The following LAMA2 variants were observed in gnomAD, a reference collection of about 807,000 sequenced individuals.
LAMA2 encodes laminin subunit alpha 2.
In LAMA2, 269 loss-of-function variants were observed where a neutral mutation model predicts 364.8. The observed-to-expected ratio is 0.74, with a 90% confidence interval of 0.67 to 0.82. LAMA2 has a LOEUF of 0.82. LAMA2 is among the 40% of genes least tolerant of loss of function. The pLI is 0.00. For synonymous variants in LAMA2, 1,379 were observed against 1,370.6 expected (o/e 1.01, Z -0.14); for missense variants, 3,807 against 3,873.2 (o/e 0.98, Z 0.45).
chr6:129,004,458 C>T (rs1326987600), intron 1 of LAMA2, among the ~76,000 whole-genome samples: 1 of 146,092 alleles, frequency 6.8e-6, no homozygotes, highest in Non-Finnish European at 1.5e-5. Context: ...GGTCATTTTC[C>T]TTAAAATAAA....
chr6:129,245,620 T>G (rs1785699709), intron 12 of LAMA2, among the ~76,000 whole-genome samples: 1 of 152,208 alleles, frequency 6.6e-6, no homozygotes, highest in South Asian at 2.1e-4. Flanking sequence ...GTTAGAATTT[T>G]TCAATGAATG....
intron 27 of LAMA2, among the ~76,000 whole-genome samples, chr6:129,317,038 T>C (rs1348405054): frequency 1.3e-5 from 2 of 152,176 alleles, no homozygotes; most frequent in African/African-American, 4.8e-5. Context: ...GAGGAAAATA[T>C]TGAAATATAA....
At chr6:128,991,498 A>AT (rs1249653575) in intron 1 of LAMA2, among the ~76,000 whole-genome samples, 4 of 152,236 alleles carry the variant, frequency 2.6e-5, no homozygotes, top group Non-Finnish European at 5.9e-5. Flanking sequence ...GTAACATTGC[A>AT]TAAAAACTTG....
At chr6:129,071,789 T>G (rs1389167572) in intron 3 of LAMA2, among the ~76,000 whole-genome samples, 1 of 152,150 alleles carries the variant, frequency 6.6e-6, no homozygotes, top group Non-Finnish European at 1.5e-5. Flanking sequence ...TCTTTGAGAC[T>G]AAACTTTTTG....
intron 31 of LAMA2, among the ~76,000 whole-genome samples, chr6:129,352,298 G>A (rs563705088): frequency 2.0e-5 from 3 of 152,304 alleles, no homozygotes; most frequent in African/African-American, 7.2e-5. Context: ...AATACACTTA[G>A]GTGAATGGAT....
intron 1 of LAMA2, among the ~76,000 whole-genome samples, chr6:129,015,123 G>A (rs191592910): frequency 1.0e-3 from 152 of 152,192 alleles, no homozygotes; most frequent in African/African-American, 3.3e-3. Flanking sequence ...TTTAAATTCA[G>A]GTAATCTTAT....
At chr6:129,329,212 G>T (rs1381480268) in intron 29 of LAMA2, among the ~76,000 whole-genome samples, 1 of 152,132 alleles carries the variant, frequency 6.6e-6, no homozygotes, top group African/African-American at 2.4e-5. Context: ...ATTCTACTGA[G>T]CCTTGTGGAA....
chr6:129,236,739 TCA>T (rs1286632438), intron 12 of LAMA2, among the ~76,000 whole-genome samples: 7 of 151,616 alleles, frequency 4.6e-5, no homozygotes, highest in African/African-American at 7.2e-5. Context: ...ACATGCACAC[TCA>T]CACACATATA....
At position 129,210,811 on chromosome 6, in the gene LAMA2, C is replaced by T. The variant is rs981572146; in HGVS notation, c.1782+17958C>T. Reference sequence around the variant, plus strand: ...ATTCAAATGGGTGACATGGCCAGTCCTGGTTACAGTATGAGACAGATGCCG... The same window carrying T: ...ATTCAAATGGGTGACATGGCCAGTCTTGGTTACAGTATGAGACAGATGCCG... On this transcript the variant is annotated intron_variant, in intron 12 of 64. Coordinates refer to ENST00000421865, the MANE Select transcript of LAMA2 (RefSeq NM_000426.4). Among the ~76,000 whole-genome samples, 4 of 152,132 alleles carry T rather than the reference C, an allele frequency of 2.6e-5. No individual in the cohort carries two copies. In the South Asian group the frequency reaches 8.3e-4, roughly 32 times the overall value.
intron 37 of LAMA2, among the ~76,000 whole-genome samples, chr6:129,400,071 T>C (rs997695069): frequency 1.3e-5 from 2 of 152,312 alleles, no homozygotes; most frequent in East Asian, 3.9e-4. Flanking sequence ...AAATCCATGA[T>C]CAAAGTATTG....
Position 129,032,840 on chromosome 6 carries a change from C to T in LAMA2, c.113-17078C>T, listed in dbSNP as rs553449556. ...TGAAATGATGCAATGGCATCAATAA[C>T]GACTCCCGGTTTTCTCTATGAGACA... On this transcript the variant is annotated intron_variant, in intron 1 of 64. Coordinates refer to ENST00000421865, the MANE Select transcript of LAMA2 (RefSeq NM_000426.4). Among the ~76,000 whole-genome samples the T allele has an allele frequency of 1.1e-3, 162 of 152,218 alleles. 1 individual carries two copies. In the Middle Eastern group the frequency reaches 0.014, roughly 13 times the overall value.
intron 1 of LAMA2, among the ~76,000 whole-genome samples, chr6:129,045,982 A>G (rs928530918): frequency 1.3e-5 from 2 of 152,222 alleles, no homozygotes; most frequent in African/African-American, 4.8e-5. Flanking sequence ...AGTTTTAGAA[A>G]TGTTAGCACC....
intron 33 of LAMA2, among the ~76,000 whole-genome samples, chr6:129,367,889 A>C (rs1777862856): frequency 6.6e-6 from 1 of 152,202 alleles, no homozygotes; most frequent in African/African-American, 2.4e-5. Flanking sequence ...GTCACAGTCC[A>C]TTGGAGCTGC....
At chr6:129,015,078 C>T (rs1284519388) in intron 1 of LAMA2, among the ~76,000 whole-genome samples, 1 of 152,038 alleles carries the variant, frequency 6.6e-6, no homozygotes, top group Non-Finnish European at 1.5e-5. Flanking sequence ...TGAAATTAAA[C>T]TGAATATATA....
chr6:129,462,911 G>A, intron 49 of LAMA2, among the ~76,000 whole-genome samples: 1 of 152,014 alleles, frequency 6.6e-6, no homozygotes, highest in Non-Finnish European at 1.5e-5. Context: ...ACCTTAGAAT[G>A]TCAGTTTTAG....
chr6:128,967,868 C>T (rs994093150), intron 1 of LAMA2, among the ~76,000 whole-genome samples: 1 of 152,082 alleles, frequency 6.6e-6, no homozygotes, highest in Non-Finnish European at 1.5e-5. Context: ...TTATCTATTA[C>T]ACCTCAGATT....
intron 1 of LAMA2, among the ~76,000 whole-genome samples, chr6:128,901,933 C>A (rs970429498): frequency 5.3e-5 from 8 of 152,154 alleles, no homozygotes; most frequent in African/African-American, 1.9e-4. Flanking sequence ...AAAGAACTGG[C>A]CAAGACTGGG....
intron 1 of LAMA2, among the ~76,000 whole-genome samples, chr6:129,004,273 G>C (rs1203245070): frequency 1.9e-5 from 1 of 51,716 alleles, no homozygotes; most frequent in East Asian, 3.3e-4. Context: ...GGAGGGGGGA[G>C]GGATAGCATT....
intron 45 of LAMA2, 105 bp downstream of exon 45, chr6:129,445,926 T>A: frequency 8.6e-7 from 1 of 1,164,192 alleles, no homozygotes; most frequent in Non-Finnish European, 1.3e-6. Context: ...TCTTGGGTCC[T>A]TTTCCTTTAA....
Sources: allele counts gnomAD v4.1 joint callset (sites outside exome capture counted in the v4.1 genomes callset), GRCh38; gene constraint gnomAD v4.1.1; transcripts MANE v1.5; gene names NCBI Gene and HGNC (gene_info 2026-07-23, HGNC 2026-07-21).